LAMA2: variants seen among roughly 807,000 people sequenced by gnomAD.
LAMA2 encodes laminin subunit alpha 2.
LAMA2 carries 269 observed loss-of-function variants against 364.8 expected under a neutral mutation model. The observed-to-expected ratio is 0.74, with a 90% confidence interval of 0.67 to 0.82. The LOEUF (loss-of-function observed/expected upper bound fraction) is 0.82. LAMA2 is among the 40% of genes least tolerant of loss of function. LAMA2 has a pLI of 0.00. For missense variants in LAMA2, 3,807 were observed against 3,873.2 expected, an observed-to-expected ratio of 0.98 and a Z score of 0.45; for synonymous variants, 1,379 against 1,370.6, an observed-to-expected ratio of 1.01 and a Z score of -0.14.
At chr6:129,315,382 A>T (rs1774514891) in intron 24 of LAMA2, 94 bp from the exon 25 acceptor site, 1 of 1,059,564 alleles carries the variant, frequency 9.4e-7, no homozygotes, top group Admixed American at 1.8e-5. Flanking sequence ...GAATGGGTAT[A>T]GGAACTGCAG....
chr6:128,985,736 A>G (rs1374238358), intron 1 of LAMA2, among the ~76,000 whole-genome samples: 2 of 152,154 alleles, frequency 1.3e-5, no homozygotes, highest in Non-Finnish European at 2.9e-5. Context: ...GAATATTTTG[A>G]AGCAAATCAT....
chr6:129,287,444 A>G (rs1038834992), intron 18 of LAMA2, among the ~76,000 whole-genome samples: 33 of 152,156 alleles, frequency 2.2e-4, no homozygotes, highest in African/African-American at 7.7e-4. Context: ...TCTGGCTGCA[A>G]CAACAACAAA....
At chr6:129,185,969 G>A (rs73773695) in intron 10 of LAMA2, among the ~76,000 whole-genome samples, 4,320 of 151,688 alleles carry the variant, frequency 0.028, 199 homozygotes, top group African/African-American at 0.098. Flanking sequence ...AGAAATTACC[G>A]TGTTTTATAG....
At chr6:129,342,252 GAC>G (rs1776308432) in intron 29 of LAMA2, 89 bp from the exon 30 acceptor site, 2 of 1,085,512 alleles carry the variant, frequency 1.8e-6, no homozygotes, top group African/African-American at 1.6e-5. Flanking sequence ...TGTGTTCATA[GAC>G]ACACATTCAT....
intron 7 of LAMA2, among the ~76,000 whole-genome samples, chr6:129,151,686 A>G (rs980315361): frequency 1.3e-5 from 2 of 152,172 alleles, no homozygotes; most frequent in African/African-American, 4.8e-5. Flanking sequence ...TACAGGAGAG[A>G]GAGGAGAAAG....
chr6:128,907,449 G>A (rs1356957216), intron 1 of LAMA2, among the ~76,000 whole-genome samples: 2 of 152,174 alleles, frequency 1.3e-5, no homozygotes, highest in Admixed American at 6.5e-5. Flanking sequence ...TGTTGTTGGT[G>A]TATAAGAATG....
intron 1 of LAMA2, among the ~76,000 whole-genome samples, chr6:128,913,166 T>C (rs1442121307): frequency 6.6e-6 from 1 of 152,236 alleles, no homozygotes; most frequent in Non-Finnish European, 1.5e-5. Flanking sequence ...TGAAGTGAAC[T>C]GCAGAGTACA....
chr6:129,136,153 C>T (rs1307544446), intron 4 of LAMA2, among the ~76,000 whole-genome samples: 1 of 151,622 alleles, frequency 6.6e-6, no homozygotes, highest in African/African-American at 2.4e-5. Flanking sequence ...GGAACGATAC[C>T]AGGATCTTTC....
chr6:129,195,766 G>T (rs1283203483), intron 12 of LAMA2, among the ~76,000 whole-genome samples: 1 of 152,206 alleles, frequency 6.6e-6, no homozygotes, highest in Non-Finnish European at 1.5e-5. Flanking sequence ...AGGCAGCAGT[G>T]GAAAGAGCTA....
At chr6:129,430,205 A>T (rs567891928) in intron 41 of LAMA2, among the ~76,000 whole-genome samples, 1 of 152,310 alleles carries the variant, frequency 6.6e-6, no homozygotes, top group East Asian at 1.9e-4. Flanking sequence ...GGCCCTACAG[A>T]GCAAAACTCT....
At chr6:129,123,370 G>GATATATAT (rs139516848) in intron 4 of LAMA2, among the ~76,000 whole-genome samples, 1 of 145,852 alleles carries the variant, frequency 6.9e-6, no homozygotes, top group African/African-American at 2.5e-5. Flanking sequence ...ATGTGTGTGA[G>GATATATAT]ATATATATAT....
intron 1 of LAMA2, among the ~76,000 whole-genome samples, chr6:129,040,577 C>T (rs1440513257): frequency 1.3e-5 from 2 of 152,256 alleles, no homozygotes; most frequent in East Asian, 3.9e-4. Context: ...TTCAGTGTGC[C>T]ATGATCATGC....
chr6:128,963,630 G>C (rs1169875324), intron 1 of LAMA2, among the ~76,000 whole-genome samples: 1 of 152,098 alleles, frequency 6.6e-6, no homozygotes, highest in African/African-American at 2.4e-5. Flanking sequence ...CACTCCACTT[G>C]TCTGTTTAAA....
intron 5 of LAMA2, among the ~76,000 whole-genome samples, chr6:129,146,483 A>G (rs533720641): frequency 6.6e-6 from 1 of 152,174 alleles, no homozygotes; most frequent in Admixed American, 6.6e-5. Flanking sequence ...TGGTTAAGGA[A>G]TATATTGTTA....
intron 32 of LAMA2, 112 bp downstream of exon 32, chr6:129,353,469 A>T (rs1776977969): frequency 5.0e-6 from 4 of 795,706 alleles, no homozygotes; most frequent in Non-Finnish European, 8.4e-6. Flanking sequence ...TTTTTGCAAT[A>T]GTTATACTCT....
At chr6:128,998,528 C>T (rs1259048564) in intron 1 of LAMA2, among the ~76,000 whole-genome samples, 15 of 106,256 alleles carry the variant, frequency 1.4e-4, no homozygotes, top group East Asian at 6.1e-4. Context: ...TGGGCGCAGG[C>T]CAGTGTGTGT....
At chr6:129,516,122 T>C (rs1787051414) in intron 64 of LAMA2, 68 bp from the exon 65 acceptor site, 9 of 1,546,806 alleles carry the variant, frequency 5.8e-6, no homozygotes, top group Non-Finnish European at 7.2e-6. Flanking sequence ...CAGTTGACTT[T>C]GAAACATGCT....
intron 29 of LAMA2, among the ~76,000 whole-genome samples, chr6:129,336,452 A>T (rs1359601833): frequency 2.0e-5 from 3 of 152,236 alleles, no homozygotes; most frequent in Non-Finnish European, 4.4e-5. Flanking sequence ...TCAGCAAAAA[A>T]TAATAACTGC....
intron 9 of LAMA2, among the ~76,000 whole-genome samples, chr6:129,173,465 T>G (rs752526914): frequency 6.6e-6 from 1 of 152,248 alleles, no homozygotes; most frequent in Non-Finnish European, 1.5e-5. Context: ...CTATATAAGA[T>G]GTGATAAAGA....
Sources: gnomAD v4.1 joint callset for allele counts (sites outside exome capture counted in the v4.1 genomes callset) on GRCh38, gnomAD v4.1.1 for gene constraint, MANE v1.5 for transcripts, NCBI Gene and HGNC (gene_info 2026-07-23, HGNC 2026-07-21) for gene names.